Variants in SPG11 observed in about 807,000 individuals in gnomAD.
The protein encoded by SPG11 is spatacsin.
SPG11 carries 222 observed loss-of-function variants against 274.0 expected under a neutral mutation model. The observed-to-expected ratio is 0.81, with a 90% CI of 0.73 to 0.91. The LOEUF is 0.91. SPG11 is among the 40% of genes least tolerant of loss of function. The probability of loss-of-function intolerance (pLI) is 0.00; values close to 1 mark genes in which losing one functional copy is unlikely to be tolerated. For synonymous variants in SPG11, 1,144 were observed against 1,039.7 expected (o/e 1.10, Z -1.93); for missense variants, 3,114 against 2,872.7 (o/e 1.08, Z -1.92).
rs200373528 is a variant in SPG11, at chr15:44,563,089, C to T, written c.*32G>A. 3.1e-6 allele frequency: 5 copies of T among 1,607,134 alleles called. No homozygotes were observed. The East Asian group carries it at 1.1e-4, about 36-fold the overall frequency. ...CATCACATCTGTCAGAATCTGCTAACAGTACAAGAAAACAGACACCTATGA... is the reference window on the plus strand; with the variant it reads ...CATCACATCTGTCAGAATCTGCTAATAGTACAAGAAAACAGACACCTATGA... On this transcript the variant is annotated 3_prime_UTR_variant, in exon 40 of 40. Coordinates refer to ENST00000261866, the MANE Select transcript of SPG11 (RefSeq NM_025137.4).
rs758867131 is a variant in SPG11 at position 44,595,396 on chromosome 15, T to A, written c.4498A>T (p.Thr1500Ser). 1.9e-6 allele frequency: 3 copies of A among 1,614,200 alleles called. No homozygotes were observed. Among genetic ancestry groups the A allele is most frequent in the Admixed American group, 1.7e-5 (1 of 60,026 alleles). The change falls in exon 26 of 40, where the codon ACT becomes TCT. Residue 1500 changes from threonine (T) to serine (S), a missense_variant. Thr to Ser is a moderately conservative substitution (Grantham distance 58, BLOSUM62 1). Transcript: ENST00000261866. ...TCCTGAATGTGTCCCATTGCTTCAG[T>A]TGCAACATTGTCCTCCACAGAAGTG... ...IITSVEDNVA[T>S]EAMGHIQDST...
rs375020581 is a variant in SPG11, at chr15:44,583,894, G to C, written c.5786C>G (p.Pro1929Arg). ...SGEASMEDLH[P>R]EIHALLQSAE... is the part of the protein sequence containing the mutation. ...ACTTTGTAGGAGAGCATGGATCTCT[G>C]GGTGCAGATCCTCCATACTAGCTTC... The change falls in exon 30 of 40, where the codon CCA becomes CGA. Residue 1929 changes from proline (P) to arginine (R), a missense_variant. Transcript: ENST00000261866. The C allele has an allele frequency of 3.7e-6, 6 of 1,614,054 alleles. No homozygotes were observed. The highest frequency in any genetic ancestry group is 4.2e-6 in the Non-Finnish European group (5 of 1,180,030).
intron 10 of SPG11, among the ~76,000 whole-genome samples, chr15:44,628,209 A>G (rs921930954): frequency 6.6e-6 from 1 of 152,264 alleles, no homozygotes; most frequent in African/African-American, 2.4e-5. Flanking sequence ...TTTAACTGGC[A>G]AAATGTCTTA....
chr15:44,581,818 C>A (rs974450556), intron 30 of SPG11, among the ~76,000 whole-genome samples: 1 of 152,012 alleles, frequency 6.6e-6, no homozygotes, highest in Non-Finnish European at 1.5e-5. Context: ...TACATTCCAG[C>A]TGAGGTGGTA....
chr15:44,649,186 A>G (rs2084690828), intron 6 of SPG11, among the ~76,000 whole-genome samples, 175 bp from the exon 7 acceptor site: 1 of 152,008 alleles, frequency 6.6e-6, no homozygotes, highest in African/African-American at 2.4e-5. Context: ...CAACATTTTT[A>G]TAGGCGAGTT....
chr15:44,599,440 C>T lies in SPG11; in HGVS notation c.3687-604G>A, dbSNP rs188859501. ...TCAGCCTCCTGAGTAGCTGGGACTA[C>T]AGGCACCCACCACCATGCCTGGCTA... On this transcript the variant is annotated intron_variant, in intron 21 of 39. Transcript: ENST00000261866. 4.3e-4 allele frequency among the ~76,000 whole-genome samples: 66 copies of T among 152,250 alleles called. No homozygotes were observed. In the East Asian group the frequency reaches 0.011, roughly 25 times the overall value.
chr15:44,610,213 A>G (rs1303993483), intron 18 of SPG11, among the ~76,000 whole-genome samples: 1 of 150,228 alleles, frequency 6.7e-6, no homozygotes, highest in African/African-American at 2.5e-5. Flanking sequence ...ATGCCCAGCT[A>G]ATTTTTAAAT....
chr15:44,606,294 T>C (rs1477380863), intron 19 of SPG11: 1 of 520,768 alleles, frequency 1.9e-6, no homozygotes, highest in East Asian at 3.5e-5. Flanking sequence ...AAAACAGAAC[T>C]GGCTATGTTC....
At chr15:44,662,450 T>C (rs1473539326) in intron 1 of SPG11, among the ~76,000 whole-genome samples, 6 of 151,892 alleles carry the variant, frequency 4.0e-5, no homozygotes, top group African/African-American at 9.7e-5. Flanking sequence ...GCGGGATCAC[T>C]TGAGCCCAGG....
intron 15 of SPG11, among the ~76,000 whole-genome samples, chr15:44,618,392 C>T (rs1261734493): frequency 1.3e-5 from 2 of 150,884 alleles, no homozygotes; most frequent in Non-Finnish European, 2.9e-5. Context: ...GTGGCGGGCG[C>T]CTGTAGTCCC....
chr15:44,620,771 T>A (rs2083723598), intron 14 of SPG11: 1 of 180,196 alleles, frequency 5.5e-6, no homozygotes, highest in Non-Finnish European at 1.2e-5. Context: ...CAATCTTGGC[T>A]CACTGCAACC....
intron 18 of SPG11, among the ~76,000 whole-genome samples, chr15:44,609,373 C>A (rs1328537116): frequency 6.6e-6 from 1 of 151,984 alleles, no homozygotes; most frequent in Non-Finnish European, 1.5e-5. Context: ...TCGTGATCCG[C>A]CCGCCTCACC....
At chr15:44,617,494 T>C (rs1173741320) in intron 15 of SPG11, among the ~76,000 whole-genome samples, 1 of 152,196 alleles carries the variant, frequency 6.6e-6, no homozygotes, top group Non-Finnish European at 1.5e-5. Context: ...TTCTCCACTC[T>C]TGTGCAGGAC....
chr15:44,587,844 A>T (rs188829411), intron 28 of SPG11, among the ~76,000 whole-genome samples: 104 of 152,276 alleles, frequency 6.8e-4, no homozygotes, highest in African/African-American at 2.4e-3. Context: ...GTCAATTCTT[A>T]TAATTATTCA....
At chr15:44,623,326 G>A (rs922533650) in intron 11 of SPG11, among the ~76,000 whole-genome samples, 7 of 152,200 alleles carry the variant, frequency 4.6e-5, no homozygotes, top group South Asian at 2.1e-4. Context: ...GCAGCACACA[G>A]AACAATTTAA....
chr15:44,566,601 G>A (rs947543857), intron 36 of SPG11, among the ~76,000 whole-genome samples: 1 of 152,096 alleles, frequency 6.6e-6, no homozygotes, highest in Non-Finnish European at 1.5e-5. Flanking sequence ...GGATATATAG[G>A]CTATAGATCC....
At chr15:44,608,929 T>G (rs2065084740) in intron 18 of SPG11, among the ~76,000 whole-genome samples, 1 of 152,138 alleles carries the variant, frequency 6.6e-6, no homozygotes, top group Admixed American at 6.5e-5. Context: ...TTCAATAATA[T>G]ATATTTTAAA....
chr15:44,650,759 C>CT (rs1276502104), intron 6 of SPG11, among the ~76,000 whole-genome samples: 2 of 151,524 alleles, frequency 1.3e-5, no homozygotes, highest in African/African-American at 4.8e-5. Flanking sequence ...ACAATTTTTT[C>CT]TTTTTTTTGA....
At chr15:44,589,215 C>G in intron 28 of SPG11, 37 bp downstream of exon 28, 2 of 1,605,210 alleles carry the variant, frequency 1.2e-6, no homozygotes, top group South Asian at 2.2e-5. Flanking sequence ...AGAAAGCTAA[C>G]TTCTTAATAG....
Sources: gnomAD v4.1 joint callset for allele counts (sites outside exome capture counted in the v4.1 genomes callset) on GRCh38, gnomAD v4.1.1 for gene constraint, MANE v1.5 for transcripts, NCBI Gene and HGNC (gene_info 2026-07-23, HGNC 2026-07-21) for gene names.